Variants in ASB5 observed in about 807,000 individuals in gnomAD.
The protein encoded by ASB5 is ankyrin repeat and SOCS box protein 5.
A neutral mutation model predicts 42.1 loss-of-function variants in ASB5; 45 were observed. That is an observed-to-expected ratio of 1.07 (90% CI 0.84 to 1.37). The LOEUF is 1.37. Ranked by LOEUF, ASB5 falls within the 40% of genes most tolerant of loss-of-function variation. The pLI, the probability that ASB5 is intolerant of heterozygous loss-of-function variation, is 0.00. For missense variants in ASB5, 402 were observed against 399.8 expected (o/e 1.01, Z -0.05); for synonymous variants, 147 against 150.6 (o/e 0.98, Z 0.18).
intron 5 of ASB5, among the ~76,000 whole-genome samples, chr4:176,218,605 ATATG>A (rs1205359705): frequency 1.8e-5 from 2 of 112,454 alleles, no homozygotes; most frequent in African/African-American, 3.6e-5. Flanking sequence ...ATATAAATAT[ATATG>A]TATGATATAT....
At chr4:176,219,375 A>G (rs1426263545) in intron 5 of ASB5, among the ~76,000 whole-genome samples, 2 of 93,900 alleles carry the variant, frequency 2.1e-5, no homozygotes, top group East Asian at 6.8e-4. Flanking sequence ...ATATATTTGT[A>G]TGATATATAA....
chr4:176,249,822 T>C (rs1267203667), intron 1 of ASB5, among the ~76,000 whole-genome samples: 3 of 151,894 alleles, frequency 2.0e-5, no homozygotes, highest in African/African-American at 4.8e-5. Context: ...TCCCCGCACT[T>C]TGGGAGGCCG....
At chr4:176,267,251 G>T (rs567640055) in intron 1 of ASB5, among the ~76,000 whole-genome samples, 2 of 152,184 alleles carry the variant, frequency 1.3e-5, no homozygotes, top group Admixed American at 6.5e-5. Flanking sequence ...TTCTATGTTT[G>T]CTGTTTTGTA....
chr4:176,240,006 A>G (rs1299114344), intron 1 of ASB5, among the ~76,000 whole-genome samples: 1 of 152,196 alleles, frequency 6.6e-6, no homozygotes, highest in Admixed American at 6.5e-5. Flanking sequence ...GCTCAGCTGT[A>G]TGGATTCATA....
intron 1 of ASB5, among the ~76,000 whole-genome samples, chr4:176,247,622 T>C (rs1380026802): frequency 1.3e-5 from 2 of 152,184 alleles, no homozygotes; most frequent in Non-Finnish European, 1.5e-5. Context: ...TAATTGACCA[T>C]GCATTTGGTG....
At chr4:176,236,020 T>A (rs1753675867) in intron 1 of ASB5, among the ~76,000 whole-genome samples, 2 of 152,118 alleles carry the variant, frequency 1.3e-5, no homozygotes, top group Non-Finnish European at 2.9e-5. Flanking sequence ...TGGCTCTATA[T>A]TTTCAGTATA....
intron 1 of ASB5, among the ~76,000 whole-genome samples, chr4:176,225,734 C>T (rs1017496591): frequency 6.6e-5 from 10 of 152,102 alleles, no homozygotes; most frequent in Non-Finnish European, 1.0e-4. Context: ...GGACTACAGG[C>T]GCACACCACC....
At chr4:176,236,718 G>A (rs188693403) in intron 1 of ASB5, among the ~76,000 whole-genome samples, 66 of 151,950 alleles carry the variant, frequency 4.3e-4, no homozygotes, top group Middle Eastern at 6.8e-3. Flanking sequence ...CTGCATTTTC[G>A]ACCCTTAAAT....
chr4:176,246,802 C>T (rs1257597688), intron 1 of ASB5, among the ~76,000 whole-genome samples: 1 of 152,072 alleles, frequency 6.6e-6, no homozygotes, highest in Non-Finnish European at 1.5e-5. Context: ...ATGAACACTC[C>T]CTACCACCAA....
chr4:176,241,729 A>G, intron 1 of ASB5: 9 of 1,194,662 alleles, frequency 7.5e-6, no homozygotes, highest in Non-Finnish European at 9.6e-6. Flanking sequence ...TGGAAAAAAA[A>G]TTGAGCAGTT....
intron 6 of ASB5, among the ~76,000 whole-genome samples, chr4:176,215,986 C>A (rs1056910243): frequency 6.6e-6 from 1 of 151,848 alleles, no homozygotes; most frequent in Admixed American, 6.6e-5. Flanking sequence ...GAATTTAAAG[C>A]CTCAGAAACA....
intron 1 of ASB5, among the ~76,000 whole-genome samples, chr4:176,232,242 C>T (rs1259139977): frequency 6.6e-6 from 1 of 151,776 alleles, no homozygotes; most frequent in African/African-American, 2.4e-5. Flanking sequence ...CCTGCCTCAG[C>T]CACCCAAGTA....
chr4:176,272,539 C>A (rs979347682), upstream of ASB5, among the ~76,000 whole-genome samples: 6 of 152,102 alleles, frequency 3.9e-5, no homozygotes, highest in African/African-American at 1.4e-4. Context: ...GGAACTGCCT[C>A]TTTTTCTCAC....
At chr4:176,257,948 T>C (rs1754186588) in intron 1 of ASB5, among the ~76,000 whole-genome samples, 1 of 152,212 alleles carries the variant, frequency 6.6e-6, no homozygotes, top group Admixed American at 6.5e-5. Flanking sequence ...AATATGATCC[T>C]GGGGTAGAAC....
chr4:176,237,771 C>T (rs1252147876), intron 1 of ASB5, among the ~76,000 whole-genome samples: 1 of 152,150 alleles, frequency 6.6e-6, no homozygotes, highest in Non-Finnish European at 1.5e-5. Flanking sequence ...TGAGCTCTAT[C>T]GTTAAAAGAT....
chr4:176,253,393 A>G (rs1167680400), intron 1 of ASB5, among the ~76,000 whole-genome samples: 5 of 152,222 alleles, frequency 3.3e-5, no homozygotes, highest in Non-Finnish European at 7.3e-5. Context: ...TTTCAAACAT[A>G]GCTTTTAAAG....
chr4:176,251,084 G>A (rs1754022477), intron 1 of ASB5, among the ~76,000 whole-genome samples: 1 of 151,860 alleles, frequency 6.6e-6, no homozygotes, highest in African/African-American at 2.4e-5. Context: ...CTGCACCATG[G>A]ACAAGGACTT....
upstream of ASB5, among the ~76,000 whole-genome samples, chr4:176,271,817 A>G (rs1407195898): frequency 6.6e-6 from 1 of 152,164 alleles, no homozygotes; most frequent in African/African-American, 2.4e-5. Context: ...ATTATAAAGA[A>G]CAACACTATT....
At chr4:176,273,209 C>T (rs1754503876), upstream of ASB5, among the ~76,000 whole-genome samples, 1 of 152,126 alleles carries the variant, frequency 6.6e-6, no homozygotes, top group African/African-American at 2.4e-5. Context: ...TACATTCAAA[C>T]AGCAAGGTTG....
Sources: allele counts gnomAD v4.1 joint callset (sites outside exome capture counted in the v4.1 genomes callset), GRCh38; gene constraint gnomAD v4.1.1; transcripts MANE v1.5; gene names NCBI Gene and HGNC (gene_info 2026-07-23, HGNC 2026-07-21).